Variants in ZNF529 observed in about 807,000 individuals in gnomAD.
ZNF529 encodes the protein zinc finger protein 529.
In ZNF529, 11 loss-of-function variants were observed where a neutral mutation model predicts 10.1. That is an observed-to-expected ratio of 1.09 (90% CI 0.69 to 1.81). ZNF529 has a LOEUF of 1.81. Ranked by LOEUF, ZNF529 falls within the 40% of genes most tolerant of loss-of-function variation. The probability of loss-of-function intolerance (pLI) is 0.00; values close to 1 mark genes in which losing one functional copy is unlikely to be tolerated. For missense variants in ZNF529, 624 were observed against 666.8 expected (o/e 0.94, Z 0.71); for synonymous variants, 204 against 215.7 (o/e 0.95, Z 0.47).
chr19:36,560,262 A>C (rs1034797048), intron 2 of ZNF529, among the ~76,000 whole-genome samples: 70 of 19,488 alleles, frequency 3.6e-3, no homozygotes, highest in African/African-American at 0.027. Flanking sequence ...CGTCTCAAAA[A>C]AAAAAAAAAA....
chr19:36,572,260 T>C, intron 2 of ZNF529, 73 bp downstream of exon 2: 1 of 1,507,972 alleles, frequency 6.6e-7, no homozygotes, highest in Non-Finnish European at 9.0e-7. Context: ...AGGGGACCCA[T>C]CTCTACGGTC....
intron 2 of ZNF529, among the ~76,000 whole-genome samples, chr19:36,564,975 A>G (rs1274636195): frequency 6.6e-6 from 1 of 152,176 alleles, no homozygotes; most frequent in Non-Finnish European, 1.5e-5. Context: ...TTATTCTAAA[A>G]GCATTAATGC....
rs1381147183 is a variant in ZNF529 at position 36,547,907 on chromosome 19, T to G, written c.651A>C (p.Gln217His). Residue 217 changes from glutamine (Q) to histidine (H), a missense_variant, in exon 5 of 5, where the codon CAA (glutamine) becomes CAC (histidine). Gln to His is a conservative substitution (Grantham distance 24, BLOSUM62 0). Transcript: ENST00000591340. ...GTTTCACACCAGTATGAATATTCAG[T>G]TGTAACATACTGGAGTTATCTATCC... ...TFGIDNSSML[Q>H]LNIHTGVKPC... 1 of 1,612,436 alleles carries G rather than the reference T, an allele frequency of 6.2e-7. No individual in the cohort carries two copies. The highest frequency in any genetic ancestry group is 8.5e-7 in the Non-Finnish European group (1 of 1,179,046).
chr19:36,568,373 G>C (rs998152697), intron 2 of ZNF529, among the ~76,000 whole-genome samples: 3 of 152,046 alleles, frequency 2.0e-5, no homozygotes, highest in African/African-American at 4.8e-5. Context: ...CCCTCCTTCA[G>C]GCCAGAAGGA....
chr19:36,550,267 G>A (rs2035209636), intron 4 of ZNF529, among the ~76,000 whole-genome samples: 1 of 152,218 alleles, frequency 6.6e-6, no homozygotes, highest in Non-Finnish European at 1.5e-5. Context: ...TAGGCTGGGT[G>A]CAGTGGCTGT....
Position 36,546,938 on chromosome 19 carries a change from C to G in ZNF529, c.1620G>C (p.Gly540=), listed in dbSNP as rs745843383. 2 of 1,613,810 alleles carry G rather than the reference C, an allele frequency of 1.2e-6. No individual in the cohort carries two copies. Among genetic ancestry groups the G allele is most frequent in the Admixed American group, 3.3e-5 (2 of 60,018 alleles). The stretch of plus-strand genomic sequence containing the variant: ...GATGCCCAACAACACTAAAGGAATT[C>G]CCACACTCCTTACATTCATAGGGTT... ...DDKPYECKEC[G]NSFSVVGHLT... Residue 540 remains glycine (G), a synonymous_variant, in exon 5 of 5, where the codon GGG becomes GGC. Transcript: ENST00000591340.
At chr19:36,569,107 C>T (rs760153629) in intron 2 of ZNF529, among the ~76,000 whole-genome samples, 99 of 152,136 alleles carry the variant, frequency 6.5e-4, no homozygotes, top group Non-Finnish European at 1.1e-3. Context: ...TAGGCACAGG[C>T]ATGCTACAGA....
chr19:36,586,258 T>G (rs2036577017), intron 2 of ZNF529, among the ~76,000 whole-genome samples: 1 of 152,196 alleles, frequency 6.6e-6, no homozygotes, highest in East Asian at 1.9e-4. Flanking sequence ...AATATGGAGA[T>G]GTCTTCTCCC....
chr19:36,597,315 C>T (rs1042914261), intron 1 of ZNF529, among the ~76,000 whole-genome samples: 1 of 151,640 alleles, frequency 6.6e-6, no homozygotes, highest in African/African-American at 2.4e-5. Context: ...TCTTTTATTC[C>T]CCCATTCTTA....
chr19:36,602,180 T>G (rs1448943380), intron 1 of ZNF529, among the ~76,000 whole-genome samples: 2 of 151,994 alleles, frequency 1.3e-5, no homozygotes, highest in Admixed American at 6.6e-5. Flanking sequence ...CCCGAGTAGC[T>G]GGGATTACAG....
intron 3 of ZNF529, 132 bp downstream of exon 3, chr19:36,555,972 G>T: frequency 1.2e-6 from 1 of 806,630 alleles, no homozygotes; most frequent in Non-Finnish European, 2.0e-6. Flanking sequence ...GGGACACTGT[G>T]CTGTTAGACT....
chr19:36,599,954 C>T (rs1221332441), intron 1 of ZNF529, among the ~76,000 whole-genome samples: 3 of 151,974 alleles, frequency 2.0e-5, no homozygotes, highest in Non-Finnish European at 4.4e-5. Context: ...CTGCAAACTC[C>T]GCCTCCCTAG....
Position 36,547,120 on chromosome 19 carries a change from A to G in ZNF529, c.1438T>C (p.Cys480Arg), listed in dbSNP as rs1221949772. The G allele has an allele frequency of 6.2e-7, 1 of 1,614,048 alleles. No individual in the cohort carries two copies. Among genetic ancestry groups the G allele is most frequent in the South Asian group, 1.1e-5 (1 of 91,078 alleles). The change falls in exon 5 of 5, where the codon TGT becomes CGT. Residue 480 changes from cysteine (C) to arginine (R), a missense_variant. Transcript: ENST00000591340. The part of the protein sequence containing the change: ...RIHSGEKPYE[C>R]KVCGKAFRHS... The stretch of plus-strand genomic sequence containing the variant: ...CTAAAGGCCTTCCCACATACCTTAC[A>G]TTCATAAGGTTTCTCACCACTATGA...
intron 1 of ZNF529, 139 bp from the exon 2 acceptor site, chr19:36,572,531 C>T: frequency 1.5e-6 from 1 of 650,456 alleles, no homozygotes; most frequent in Non-Finnish European, 2.7e-6. Context: ...CTGTCGACTC[C>T]TCCCCACATC....
intron 2 of ZNF529, chr19:36,582,643 G>C (rs1273724568): frequency 6.7e-6 from 1 of 150,308 alleles, no homozygotes; most frequent in African/African-American, 2.4e-5. Flanking sequence ...GGGAGGAGGA[G>C]CTTGCAGTGA....
rs1568570784 is a variant in ZNF529 at position 36,547,423 on chromosome 19, T to C, written c.1135A>G (p.Arg379Gly). 2 of 1,613,046 alleles carry C rather than the reference T, an allele frequency of 1.2e-6. No homozygotes were observed. ...ATTCTCTGATGACGAGCAAGTTCTC[T>C]ACATACTCCAAAAGCCTTCCCACAT... Reference protein sequence around the residue: ...KECGKAFGVCRELARHQRIHT... With the variant: ...KECGKAFGVCGELARHQRIHT... The change falls in exon 5 of 5, where the codon AGA becomes GGA. Residue 379 changes from arginine (R) to glycine (G), a missense_variant. Transcript: ENST00000591340.
intron 2 of ZNF529, among the ~76,000 whole-genome samples, chr19:36,557,503 C>A (rs897242828): frequency 6.6e-6 from 1 of 152,142 alleles, no homozygotes; most frequent in African/African-American, 2.4e-5. Context: ...CCTTATAAAA[C>A]CATCAGCTCC....
chr19:36,560,074 C>T (rs1047928005), intron 2 of ZNF529, among the ~76,000 whole-genome samples: 5 of 151,758 alleles, frequency 3.3e-5, no homozygotes, highest in African/African-American at 1.2e-4. Flanking sequence ...GCCTGATCAA[C>T]GTGGAAAAAC....
In ZNF529 at chr19:36,567,655, C is replaced by G. The variant is rs146427499; in HGVS notation, c.14+4678G>C. ...ACGGGGTTTCACCATGCTGGCCAGG[C>G]TGGTTTCAAACTCCTGACCTCAAGT... On this transcript the variant is annotated intron_variant, in intron 2 of 4. Coordinates refer to ENST00000591340, the MANE Select transcript of ZNF529 (RefSeq NM_020951.5). 4.8e-3 allele frequency among the ~76,000 whole-genome samples: 732 copies of G among 152,140 alleles called. 26 individuals carry two copies. The East Asian group carries it at 0.094, about 19-fold the overall frequency.
Sources: gnomAD v4.1 joint callset for allele counts (sites outside exome capture counted in the v4.1 genomes callset) on GRCh38, gnomAD v4.1.1 for gene constraint, MANE v1.5 for transcripts, NCBI Gene and HGNC (gene_info 2026-07-23, HGNC 2026-07-21) for gene names.